Variants in NEB observed in about 807,000 individuals in gnomAD.
NEB encodes nemaline myopathy type 2.
NEB carries 512 observed loss-of-function variants against 952.2 expected under a neutral mutation model. The ratio of observed to expected loss-of-function variants is 0.54; its 90% CI spans 0.50 to 0.58. The LOEUF (loss-of-function observed/expected upper bound fraction) is 0.58, where lower values mean the gene tolerates loss of function less well. Ranked by LOEUF, NEB falls within the 20% of genes least tolerant of loss-of-function variation. The pLI is 0.00. For missense variants in NEB, 8,428 were observed against 9,231.1 expected, an observed-to-expected ratio of 0.91 and a Z score of 3.56; for synonymous variants, 2,900 against 3,149.8, an observed-to-expected ratio of 0.92 and a Z score of 2.66.
At chr2:151,545,811 A>T in intron 135 of NEB, 77 bp downstream of exon 135, 1 of 845,158 alleles carries the variant, frequency 1.2e-6, no homozygotes, top group Non-Finnish European at 1.9e-6. Context: ...TCACTAGAGG[A>T]ACTAAGAGCC....
At chr2:151,574,141 A>AT (rs915574316) in intron 107 of NEB, among the ~76,000 whole-genome samples, 2 of 151,906 alleles carry the variant, frequency 1.3e-5, no homozygotes, top group African/African-American at 4.8e-5. Context: ...CGCCCAGCTA[A>AT]TTTTTTGTAT....
chr2:151,536,491 A>G (rs2093227145), intron 141 of NEB, among the ~76,000 whole-genome samples: 1 of 152,220 alleles, frequency 6.6e-6, no homozygotes, highest in Non-Finnish European at 1.5e-5. Flanking sequence ...TCAGATAATC[A>G]TAATCTTCTA....
rs757621514 is a variant in NEB at position 151,525,194 on chromosome 2, T to C, written c.22241A>G (p.His7414Arg). 1 of 1,613,958 alleles carries C rather than the reference T, an allele frequency of 6.2e-7. No individual in the cohort carries two copies. Among genetic ancestry groups the C allele is most frequent in the South Asian group, 1.1e-5 (1 of 91,076 alleles). ...TTGCTTCTTGGCCACTTCCATAGCA[T>C]GTTTCACCTCTGGTGGCTCCAGCAT... ...SIMLEPPEVK[H>R]AMEVAKKQSD... is the part of the protein sequence containing the mutation. The change falls in exon 151 of 182, where the codon CAT becomes CGT. Residue 7414 changes from histidine (H) to arginine (R), a missense_variant. Around this residue, in one of 11 missense-constraint regions of NEB, gnomAD observed 3,374 missense variants for 3,651.5 expected, o/e 0.92. Coordinates refer to ENST00000397345, the MANE Select transcript of NEB (RefSeq NM_001164508.2).
intron 166 of NEB, 129 bp from the exon 167 acceptor site, chr2:151,503,014 T>C: frequency 1.6e-6 from 1 of 627,582 alleles, no homozygotes; most frequent in Non-Finnish European, 2.8e-6. Flanking sequence ...GTAAGGATAA[T>C]GTTTTTACTT....
rs1560695595 is a variant in NEB, at chr2:151,631,315, C to G, written c.9446G>C (p.Arg3149Thr). 6 of 1,613,798 alleles carry G rather than the reference C, an allele frequency of 3.7e-6. No homozygotes were observed. The highest frequency in any genetic ancestry group is 5.1e-6 in the Non-Finnish European group (6 of 1,179,818). Residue 3149 changes from arginine to threonine, a missense_variant, in exon 66 of 182, where the codon AGA (arginine) becomes ACA (threonine). Arg to Thr is a moderately conservative substitution (Grantham distance 71, BLOSUM62 -1). Around this residue, in one of 11 missense-constraint regions of NEB, gnomAD observed 1,772 missense variants for 1,960.3 expected, o/e 0.90. Coordinates refer to ENST00000397345, the MANE Select transcript of NEB (RefSeq NM_001164508.2). ...NIYKSDLQWLRGIGWVPIGSM... is the reference protein window; with the variant it reads ...NIYKSDLQWLTGIGWVPIGSM... The stretch of plus-strand genomic sequence containing the variant: ...CCCAATGGGGACCCAGCCAATGCCT[C>G]TCAGCCACTGGAGATCTGACTTGTA...
At chr2:151,492,312 T>TATG in intron 177 of NEB, 31 bp from the exon 178 acceptor site, 1 of 1,602,804 alleles carries the variant, frequency 6.2e-7, no homozygotes, top group Non-Finnish European at 8.5e-7. Flanking sequence ...TTTATGAAAA[T>TATG]ATGATGGTGT....
At chr2:151,531,754 C>T (rs2091199320) in intron 144 of NEB, 38 bp downstream of exon 144, 4 of 1,476,524 alleles carry the variant, frequency 2.7e-6, no homozygotes, top group Non-Finnish European at 2.8e-6. Flanking sequence ...CAGATGCCCC[C>T]TGAGTTTGAG....
rs761589107 is a variant in NEB, at chr2:151,688,305, T to C, written c.2402A>G (p.Tyr801Cys). ...TTTGGTACTTACATCACTCAGATTA[T>C]AGGCATTGACTCTGTGTTGGATAAA... is the stretch of plus-strand genomic sequence containing the variant. ...PQFIQHRVNA[Y>C]NLSDNVYKQD... The change falls in exon 25 of 182, where the codon TAT becomes TGT. Residue 801 changes from tyrosine to cysteine, a missense_variant. Transcript: ENST00000397345. 1.9e-5 allele frequency: 30 copies of C among 1,611,288 alleles called. No individual in the cohort carries two copies. In the Admixed American group the frequency reaches 3.5e-4, roughly 19 times the overall value.
In NEB at chr2:151,650,361, G is replaced by C. The variant is rs747337656; in HGVS notation, c.7246C>G (p.Leu2416Val). ...CATCCTATGCCTCTCAGCCACTCAAGGTCAGATTTATATAGATTCTGTGAA... is the reference window on the plus strand; with the variant it reads ...CATCCTATGCCTCTCAGCCACTCAACGTCAGATTTATATAGATTCTGTGAA... The part of the protein sequence containing the change: ...LQSENLYKSD[L>V]EWLRGIGWSP... Residue 2416 changes from leucine (L) to valine (V), a missense_variant, in exon 54 of 182, where the codon CTT becomes GTT. By Grantham distance (32) the Leu-to-Val change is conservative. Transcript: ENST00000397345. 2.0e-5 allele frequency: 33 copies of C among 1,613,740 alleles called. No individual in the cohort carries two copies. The East Asian group carries it at 7.1e-4, about 35-fold the overall frequency.
intron 116 of NEB, 121 bp downstream of exon 116, chr2:151,565,380 C>G (rs2096311876): frequency 1.3e-6 from 1 of 784,512 alleles, no homozygotes; most frequent in Admixed American, 2.1e-5. Flanking sequence ...CAAAGATGAT[C>G]TTAGAATTTA....
chr2:151,698,840 G>A (rs934172860), intron 13 of NEB, among the ~76,000 whole-genome samples: 4 of 150,766 alleles, frequency 2.7e-5, no homozygotes, highest in Non-Finnish European at 5.9e-5. Flanking sequence ...GGGTTTCACT[G>A]TGTTAGCCAG....
intron 178 of NEB, 87 bp from the exon 179 acceptor site, chr2:151,491,862 A>C: frequency 1.8e-6 from 2 of 1,141,164 alleles, no homozygotes; most frequent in Non-Finnish European, 2.5e-6. Context: ...ACAACCACCA[A>C]AGGATTGAAT....
At chr2:151,594,595 A>G (rs2097363969) in intron 92 of NEB, among the ~76,000 whole-genome samples, 1 of 138,390 alleles carries the variant, frequency 7.2e-6, no homozygotes, top group Non-Finnish European at 1.6e-5. Flanking sequence ...TCTATGCCGG[A>G]CACTATTATG....
chr2:151,684,654 G>T, intron 28 of NEB, 124 bp downstream of exon 28: 1 of 864,208 alleles, frequency 1.2e-6, no homozygotes, highest in Non-Finnish European at 1.7e-6. Context: ...CACAAGGGTC[G>T]TTTGCTTACA....
At position 151,506,051 on chromosome 2, in the gene NEB, A is replaced by G. The variant is rs1305089900; in HGVS notation, c.23649+115T>C. ...GTGTGGTGGTGGTACACAGGCACCT[A>G]TTTTAGCAATATAAGCTGTTTCTGG... On this transcript the variant is annotated intron_variant, in intron 164 of 181. Coordinates refer to ENST00000397345, the MANE Select transcript of NEB (RefSeq NM_001164508.2). 3 of 907,612 alleles carry G rather than the reference A, an allele frequency of 3.3e-6. No individual in the cohort carries two copies. In the East Asian group the frequency reaches 7.2e-5, roughly 22 times the overall value. 56.2% of individuals were successfully genotyped at this position (907,612 alleles called of 1,614,324 possible). A position where few individuals can be genotyped will look rare whatever the true frequency, so the allele number is the denominator to read the frequency against.
intron 9 of NEB, 87 bp downstream of exon 9, chr2:151,723,295 G>A (rs1300875802): frequency 1.4e-5 from 11 of 787,590 alleles, no homozygotes; most frequent in Non-Finnish European, 2.3e-5. Flanking sequence ...TTATACAGAA[G>A]AGTTGCAGTG....
At chr2:151,515,895 C>A (rs2077481754) in intron 157 of NEB, among the ~76,000 whole-genome samples, 1 of 152,068 alleles carries the variant, frequency 6.6e-6, no homozygotes, top group Non-Finnish European at 1.5e-5. Flanking sequence ...ATGGAAATTC[C>A]AAATAAGCCC....
intron 127 of NEB, 62 bp from the exon 128 acceptor site, chr2:151,552,838 T>G: frequency 8.2e-7 from 1 of 1,226,832 alleles, no homozygotes; most frequent in Non-Finnish European, 1.2e-6. Context: ...ACTGCTGGTT[T>G]TCACAGAGGG....
Position 151,664,861 on chromosome 2 carries a change from C to A in NEB, c.5241G>T (p.Arg1747Ser), listed in dbSNP as rs2099191519. Residue 1747 changes from arginine to serine, a missense_variant and splice_region_variant, in exon 43 of 182, where the codon AGG (arginine) becomes AGT (serine). By Grantham distance (110) the Arg-to-Ser change is moderately radical. Coordinates refer to ENST00000397345, the MANE Select transcript of NEB (RefSeq NM_001164508.2). The stretch of plus-strand genomic sequence containing the variant: ...CCTTGTTCCATTTTTCAGTGTAGAG[C>A]CTCTGCAATGAGAAAGTCAGGTGCA... Reference protein sequence around the residue: ...NKSNKLNMDKRLYTEKWNKDK... With the variant: ...NKSNKLNMDKSLYTEKWNKDK... 1.9e-6 allele frequency: 3 copies of A among 1,604,794 alleles called. No individual in the cohort carries two copies. In the East Asian group the frequency reaches 6.7e-5, roughly 36 times the overall value.
Sources: gnomAD v4.1 joint callset for allele counts (sites outside exome capture counted in the v4.1 genomes callset) on GRCh38, gnomAD v4.1.1 for gene constraint, gnomAD v4.1.1 regional missense constraint, MANE v1.5 for transcripts, NCBI Gene and HGNC (gene_info 2026-07-23, HGNC 2026-07-21) for gene names.